The following GUCY2F variants were observed in gnomAD, a reference collection of about 807,000 sequenced individuals.
GUCY2F encodes guanylate cyclase 2F, retinal.
GUCY2F carries 61 observed loss-of-function variants against 73.1 expected under a neutral mutation model. The observed-to-expected ratio is 0.83, with a 90% CI of 0.68 to 1.03. The LOEUF (loss-of-function observed/expected upper bound fraction) is 1.03, where lower values mean the gene tolerates loss of function less well. Among genes scored for constraint, GUCY2F ranks in the 50% least tolerant of loss-of-function variants. The pLI is 0.00. For synonymous variants in GUCY2F, 331 were observed against 307.8 expected (o/e 1.08, Z -0.79); for missense variants, 912 against 854.3 (o/e 1.07, Z -0.84).
chrX:109,386,849 T>C (rs1341273641), intron 15 of GUCY2F, among the ~76,000 whole-genome samples: 2 of 111,790 alleles, frequency 1.8e-5, no homozygotes, highest in African/African-American at 6.5e-5. Context: ...GTTTTAAATA[T>C]GTTAAATTTG....
chrX:109,374,986 A>G (rs1848844965), intron 19 of GUCY2F, among the ~76,000 whole-genome samples: 1 of 111,661 alleles, frequency 9.0e-6, no homozygotes. Context: ...AAGTATGTGG[A>G]TGCCTTTAGT....
At chrX:109,379,307 C>T (rs1277098456) in intron 17 of GUCY2F, among the ~76,000 whole-genome samples, 2 of 111,442 alleles carry the variant, frequency 1.8e-5, no homozygotes, top group East Asian at 5.6e-4. Flanking sequence ...AGCTCTATTG[C>T]ATATCATGGT....
chrX:109,461,041 T>A lies in GUCY2F; in HGVS notation c.1032+4101A>T, dbSNP rs375864563. 9.8e-5 allele frequency among the ~76,000 whole-genome samples: 11 copies of A among 112,097 alleles called. No individual in the cohort carries two copies. The East Asian group carries it at 2.2e-3, about 23-fold the overall frequency. ...TAGCAATAAATGATATTTACATAGTTACTATGTTAAAAATACTAAATATGG... is the reference window on the plus strand; with the variant it reads ...TAGCAATAAATGATATTTACATAGTAACTATGTTAAAAATACTAAATATGG... On this transcript the variant is annotated intron_variant, in intron 3 of 19. Coordinates refer to ENST00000218006, the MANE Select transcript of GUCY2F (RefSeq NM_001522.3).
At chrX:109,411,564 C>T (rs975485000) in intron 8 of GUCY2F, among the ~76,000 whole-genome samples, 6 of 111,985 alleles carry the variant, frequency 5.4e-5, no homozygotes, top group Middle Eastern at 4.2e-3. Flanking sequence ...ACAAGAATTT[C>T]CATCTCAGGC....
chrX:109,472,931 C>T (rs1261272820), intron 2 of GUCY2F, among the ~76,000 whole-genome samples: 2 of 111,321 alleles, frequency 1.8e-5, no homozygotes, highest in Non-Finnish European at 3.8e-5. Context: ...AGTTGGCATG[C>T]CCTCAGATAC....
At chrX:109,396,816 T>C (rs1488265257) in intron 11 of GUCY2F, among the ~76,000 whole-genome samples, 1 of 112,424 alleles carries the variant, frequency 8.9e-6, no homozygotes, top group East Asian at 2.8e-4. Context: ...ATTTCTCCAT[T>C]ACAGCATCGT....
At chrX:109,476,649 CAGG>C (rs1932700221) in intron 1 of GUCY2F, among the ~76,000 whole-genome samples, 1 of 109,305 alleles carries the variant, frequency 9.1e-6, no homozygotes, top group African/African-American at 3.3e-5. Context: ...AATGAAGTTG[CAGG>C]AGTAGTTTGG....
chrX:109,478,523 C>T (rs768947375), intron 1 of GUCY2F, among the ~76,000 whole-genome samples: 10 of 112,328 alleles, frequency 8.9e-5, no homozygotes, highest in Non-Finnish European at 1.1e-4. Flanking sequence ...GGCAAGAAAG[C>T]CGACATACTG....
At chrX:109,403,864 A>T (rs1193515638) in intron 10 of GUCY2F, among the ~76,000 whole-genome samples, 1 of 112,491 alleles carries the variant, frequency 8.9e-6, no homozygotes, top group Non-Finnish European at 1.9e-5. Flanking sequence ...GCCTTCCCAC[A>T]TAAACCACAG....
At position 109,418,233 on chromosome X, in the gene GUCY2F, C is replaced by T. The variant is rs964344043; in HGVS notation, c.1792-9065G>A. Among the ~76,000 whole-genome samples the T allele has an allele frequency of 9.0e-5, 10 of 111,502 alleles. No homozygotes were observed. In the South Asian group the frequency reaches 1.1e-3, roughly 12 times the overall value. ...AGAATTAGAAAATAGGAAAATTTTACGGTAATTGATAAAGCATATTGACAA... is the reference window on the plus strand; with the variant it reads ...AGAATTAGAAAATAGGAAAATTTTATGGTAATTGATAAAGCATATTGACAA... On this transcript the variant is annotated intron_variant, in intron 8 of 19. Coordinates refer to ENST00000218006, the MANE Select transcript of GUCY2F (RefSeq NM_001522.3).
chrX:109,441,232 C>G, intron 7 of GUCY2F, 119 bp downstream of exon 7: 1 of 408,864 alleles, frequency 2.4e-6, no homozygotes, highest in East Asian at 4.1e-5. Context: ...AACACAGACA[C>G]CAAACTGGAA....
intron 9 of GUCY2F, among the ~76,000 whole-genome samples, chrX:109,406,919 CCA>C (rs1345508513): frequency 8.9e-6 from 1 of 112,005 alleles, no homozygotes; most frequent in African/African-American, 3.2e-5. Flanking sequence ...TTTTTTATTC[CCA>C]GTCTTGGGTA....
intron 14 of GUCY2F, among the ~76,000 whole-genome samples, chrX:109,391,441 C>A (rs1043380294): frequency 9.0e-6 from 1 of 110,863 alleles, no homozygotes; most frequent in Non-Finnish European, 1.9e-5. Context: ...TAAAACAGTA[C>A]CTGAAGGAGG....
At chrX:109,388,080 G>A (rs1194322246) in intron 15 of GUCY2F, among the ~76,000 whole-genome samples, 1 of 111,246 alleles carries the variant, frequency 9.0e-6, no homozygotes, top group Non-Finnish European at 1.9e-5. Context: ...TAGAAGAGCA[G>A]AGCAGAGAGA....
chrX:109,467,971 C>G (rs1181989923), intron 2 of GUCY2F, among the ~76,000 whole-genome samples: 2 of 112,032 alleles, frequency 1.8e-5, no homozygotes, highest in Non-Finnish European at 3.8e-5. Flanking sequence ...ACAGCCCAGA[C>G]TCCTTATCTC....
chrX:109,415,547 G>A (rs924265668), intron 8 of GUCY2F, among the ~76,000 whole-genome samples: 15 of 112,298 alleles, frequency 1.3e-4, no homozygotes, highest in African/African-American at 3.2e-4. Flanking sequence ...AAATTTGGAA[G>A]CAGCATGGAT....
rs776123113 is a variant in GUCY2F, at chrX:109,453,502, T to TGGA, written c.1387+2_1387+3insTCC. On this transcript the variant is annotated splice_region_variant and intron_variant, in intron 4 of 19. Coordinates refer to ENST00000218006, the MANE Select transcript of GUCY2F (RefSeq NM_001522.3). ...TGACTACTAGTGATTTTGCATTCCT[T>TGGA]ACCTCCATGGCAGATCTTCCCTTCT... is the stretch of plus-strand genomic sequence containing the variant. 1 of 1,167,774 alleles carries TGGA rather than the reference T, an allele frequency of 8.6e-7. No individual in the cohort carries two copies. The highest frequency in any genetic ancestry group is 3.0e-5 in the East Asian group (1 of 33,575).
chrX:109,403,436 C>T (rs1032925235), intron 10 of GUCY2F, among the ~76,000 whole-genome samples: 1 of 111,771 alleles, frequency 8.9e-6, no homozygotes, highest in Non-Finnish European at 1.9e-5. Context: ...AAGAAAAGCA[C>T]TTGGGGCACA....
At chrX:109,408,248 T>C (rs946103877) in intron 9 of GUCY2F, among the ~76,000 whole-genome samples, 2 of 112,214 alleles carry the variant, frequency 1.8e-5, no homozygotes, top group African/African-American at 6.5e-5. Context: ...ATTTCGGACT[T>C]GCATGGGCCC....
Sources: gnomAD v4.1 joint callset for allele counts (sites outside exome capture counted in the v4.1 genomes callset) on GRCh38, gnomAD v4.1.1 for gene constraint, MANE v1.5 for transcripts, NCBI Gene and HGNC (gene_info 2026-07-23, HGNC 2026-07-21) for gene names.